The following ANGPT1 variants were observed in gnomAD, a reference collection of about 807,000 sequenced individuals.
ANGPT1 encodes angiopoietin-1.
In ANGPT1, 17 loss-of-function variants were observed where a neutral mutation model predicts 62.2. The ratio of observed to expected loss-of-function variants is 0.27; its 90% CI spans 0.19 to 0.41. The LOEUF (loss-of-function observed/expected upper bound fraction) is 0.41. ANGPT1 is among the 10% of genes least tolerant of loss of function. The pLI is 1.00. For missense variants in ANGPT1, 478 were observed against 594.9 expected (o/e 0.80, Z 2.04); for synonymous variants, 199 against 198.9 (o/e 1.00, Z 0.00).
intron 1 of ANGPT1, among the ~76,000 whole-genome samples, chr8:107,427,549 G>C (rs1811072073): frequency 6.6e-6 from 1 of 152,134 alleles, no homozygotes; most frequent in Non-Finnish European, 1.5e-5. Flanking sequence ...TTGTCTTTCA[G>C]GTCAATGTCC....
chr8:107,467,576 A>G (rs971112765), intron 1 of ANGPT1, among the ~76,000 whole-genome samples: 1 of 152,056 alleles, frequency 6.6e-6, no homozygotes, highest in African/African-American at 2.4e-5. Context: ...AATAAAGTCT[A>G]GGTTGAAATA....
At chr8:107,282,163 C>T (rs887845135) in intron 7 of ANGPT1, among the ~76,000 whole-genome samples, 3 of 151,862 alleles carry the variant, frequency 2.0e-5, no homozygotes, top group Non-Finnish European at 2.9e-5. Context: ...ATGAATCTTT[C>T]ACCAGAGTAA....
At position 107,275,189 on chromosome 8, in the gene ANGPT1, T is replaced by C. The variant is rs115767544; in HGVS notation, c.1205+9493A>G. Among the ~76,000 whole-genome samples the C allele has an allele frequency of 6.9e-3, 1,056 of 152,158 alleles. 19 individuals carry two copies. Among genetic ancestry groups the C allele is most frequent in the African/African-American group, 0.024 (991 of 41,508 alleles). ...AATCAAAATATTGAGTGTGAAAAAA[T>C]TGATGTGAGAAAAGGCCGTATCAGA... On this transcript the variant is annotated intron_variant, in intron 7 of 8. Coordinates refer to ENST00000517746, the MANE Select transcript of ANGPT1 (RefSeq NM_001146.5).
intron 1 of ANGPT1, among the ~76,000 whole-genome samples, chr8:107,382,275 C>T (rs1437368150): frequency 6.6e-6 from 1 of 152,118 alleles, no homozygotes; most frequent in East Asian, 1.9e-4. Context: ...ACTTCCCCTT[C>T]CCTATTACAT....
At chr8:107,322,184 C>A (rs1265897826) in intron 3 of ANGPT1, 56 bp from the exon 4 acceptor site, 4 of 1,276,626 alleles carry the variant, frequency 3.1e-6, no homozygotes, top group African/African-American at 3.0e-5. Flanking sequence ...CAAAAAAACC[C>A]TTATAATTCA....
intron 1 of ANGPT1, among the ~76,000 whole-genome samples, chr8:107,370,380 G>GAAAAAAGAAAGAAAGAAAGA (rs1158120942): frequency 5.7e-5 from 3 of 52,974 alleles, no homozygotes; most frequent in African/African-American, 9.6e-5. Flanking sequence ...AAGAAAGAAA[G>GAAAAAAGAAAGAAAGAAAGA]AAAGAAAGAA....
chr8:107,404,933 T>C (rs913117866), intron 1 of ANGPT1, among the ~76,000 whole-genome samples: 1 of 152,144 alleles, frequency 6.6e-6, no homozygotes, highest in African/African-American at 2.4e-5. Context: ...ACATTGAACT[T>C]CTTTCATAAA....
chr8:107,249,752 A>G lies in ANGPT1; in HGVS notation c.*2103T>C, dbSNP rs185174572. The G allele has an allele frequency of 4.9e-4, 74 of 152,306 alleles. No individual in the cohort carries two copies. The highest frequency in any genetic ancestry group is 1.7e-3 in the African/African-American group (70 of 41,592). 9.4% of individuals were successfully genotyped at this position (152,306 alleles called of 1,614,324 possible). A position where few individuals can be genotyped will look rare whatever the true frequency, so the allele number is the denominator to read the frequency against. ...CTCAAACCCAGACAACAAAACAGTA[A>G]ATATCATGCTTTCTTTTTTTATTAT... On this transcript the variant is annotated 3_prime_UTR_variant, in exon 9 of 9. Transcript: ENST00000517746.
At chr8:107,417,601 T>C (rs577132417) in intron 1 of ANGPT1, among the ~76,000 whole-genome samples, 5 of 152,302 alleles carry the variant, frequency 3.3e-5, no homozygotes. Flanking sequence ...ATTTAAATGT[T>C]ACCTTTCCCC....
chr8:107,412,988 A>G (rs13281434), intron 1 of ANGPT1, among the ~76,000 whole-genome samples: 606 of 152,292 alleles, frequency 4.0e-3, no homozygotes, highest in Non-Finnish European at 5.7e-3. Flanking sequence ...AACAGGTGGG[A>G]AAAGACAGGT....
intron 4 of ANGPT1, among the ~76,000 whole-genome samples, chr8:107,309,351 GA>G (rs1268940754): frequency 6.6e-6 from 1 of 152,134 alleles, no homozygotes; most frequent in Non-Finnish European, 1.5e-5. Context: ...ACAGGTCACT[GA>G]AATTAACTGA....
intron 7 of ANGPT1, among the ~76,000 whole-genome samples, chr8:107,269,821 GA>G (rs199676375): frequency 1.2e-4 from 17 of 147,024 alleles, no homozygotes; most frequent in South Asian, 2.2e-4. Flanking sequence ...TCCTAATAAA[GA>G]AAAAAAAATG....
intron 1 of ANGPT1, among the ~76,000 whole-genome samples, chr8:107,461,814 A>G (rs146925201): frequency 7.2e-5 from 11 of 152,264 alleles, no homozygotes; most frequent in African/African-American, 2.4e-4. Context: ...TATTGATGGT[A>G]TGGGGCGATC....
At chr8:107,410,271 T>C (rs1481631676) in intron 1 of ANGPT1, among the ~76,000 whole-genome samples, 1 of 152,182 alleles carries the variant, frequency 6.6e-6, no homozygotes, top group Non-Finnish European at 1.5e-5. Flanking sequence ...CTTTTAACGC[T>C]CTAACCCCAT....
At chr8:107,295,645 C>T (rs1170669866) in intron 5 of ANGPT1, 3 of 151,974 alleles carry the variant, frequency 2.0e-5, no homozygotes, top group South Asian at 2.1e-4. Context: ...AAAGAAAACA[C>T]GAGCAAAGAA....
chr8:107,260,880 T>A (rs1448837687), intron 8 of ANGPT1, among the ~76,000 whole-genome samples: 2 of 152,204 alleles, frequency 1.3e-5, no homozygotes. Context: ...CGAAGTTCAA[T>A]CATTTAAAGC....
At chr8:107,455,398 G>A (rs1020393569) in intron 1 of ANGPT1, among the ~76,000 whole-genome samples, 3 of 151,998 alleles carry the variant, frequency 2.0e-5, no homozygotes, top group Non-Finnish European at 4.4e-5. Context: ...CAAGTCATCT[G>A]CTAAACTTTT....
At chr8:107,301,542 G>A (rs577307323) in intron 5 of ANGPT1, among the ~76,000 whole-genome samples, 3 of 151,770 alleles carry the variant, frequency 2.0e-5, no homozygotes, top group Non-Finnish European at 4.4e-5. Flanking sequence ...CTCATTCCCA[G>A]ACTTGCCATT....
chr8:107,421,040 T>A (rs1171569420), intron 1 of ANGPT1, among the ~76,000 whole-genome samples: 1 of 152,160 alleles, frequency 6.6e-6, no homozygotes, highest in African/African-American at 2.4e-5. Flanking sequence ...TTCTTCTATT[T>A]GGAATTTAAA....
Sources: allele counts gnomAD v4.1 joint callset (sites outside exome capture counted in the v4.1 genomes callset), GRCh38; gene constraint gnomAD v4.1.1; transcripts MANE v1.5; gene names NCBI Gene and HGNC (gene_info 2026-07-23, HGNC 2026-07-21).